FAM171A1: variants seen among roughly 807,000 people sequenced by gnomAD.
The protein encoded by FAM171A1 is family with sequence similarity 171 member A1.
In FAM171A1, 23 loss-of-function variants were observed where a neutral mutation model predicts 74.9. The ratio of observed to expected loss-of-function variants is 0.31; its 90% CI spans 0.22 to 0.44. The LOEUF (loss-of-function observed/expected upper bound fraction) is 0.44, where lower values mean the gene tolerates loss of function less well. Among genes scored for constraint, FAM171A1 ranks in the 20% least tolerant of loss-of-function variants. The pLI is 1.00. For missense variants in FAM171A1, 1,162 were observed against 1,159.2 expected, an observed-to-expected ratio of 1.00 and a Z score of -0.03; for synonymous variants, 527 against 505.7, an observed-to-expected ratio of 1.04 and a Z score of -0.57.
At chr10:15,217,919 C>T (rs1332009911) in intron 6 of FAM171A1, among the ~76,000 whole-genome samples, 1 of 152,144 alleles carries the variant, frequency 6.6e-6, no homozygotes, top group Non-Finnish European at 1.5e-5. Context: ...GCATGAGCCA[C>T]CGCACCCGGC....
chr10:15,216,250 T>A, intron 6 of FAM171A1, 140 bp from the exon 7 acceptor site: 1 of 523,096 alleles, frequency 1.9e-6, no homozygotes, highest in Non-Finnish European at 3.3e-6. Flanking sequence ...CGCCCTTGGA[T>A]CATGCACTTG....
intron 1 of FAM171A1, among the ~76,000 whole-genome samples, chr10:15,357,974 T>C (rs1348877311): frequency 1.3e-5 from 2 of 152,160 alleles, no homozygotes; most frequent in Non-Finnish European, 2.9e-5. Flanking sequence ...AGATTGGAAG[T>C]AGAAAGCTTT....
At chr10:15,240,726 A>G (rs966788333) in intron 5 of FAM171A1, 20 of 985,208 alleles carry the variant, frequency 2.0e-5, no homozygotes, top group Non-Finnish European at 2.0e-5. Flanking sequence ...AAACATGGAT[A>G]TACTGAGTTA....
At chr10:15,275,288 G>GT (rs368213766) in intron 3 of FAM171A1, among the ~76,000 whole-genome samples, 7,011 of 140,024 alleles carry the variant, frequency 0.05, 261 homozygotes, top group African/African-American at 0.097. Flanking sequence ...TTCCATTTAA[G>GT]TTTTTTTTTT....
At chr10:15,223,459 C>A (rs1016635278) in intron 5 of FAM171A1, among the ~76,000 whole-genome samples, 3 of 152,240 alleles carry the variant, frequency 2.0e-5, no homozygotes, top group African/African-American at 7.2e-5. Flanking sequence ...CTGGGTTAGG[C>A]TAAACGGGAC....
chr10:15,269,036 T>TCAAA lies in FAM171A1; in HGVS notation c.418+6815_418+6818dup, dbSNP rs34821162. Among the ~76,000 whole-genome samples, 596 of 150,720 alleles carry TCAAA rather than the reference T, an allele frequency of 4.0e-3. 3 individuals carry two copies. Among genetic ancestry groups the TCAAA allele is most frequent in the Non-Finnish European group, 5.2e-3 (354 of 67,576 alleles). On this transcript the variant is annotated intron_variant, in intron 3 of 7. Transcript: ENST00000378116. ...CAGCCTGGGCAACAGAGACTCTGTC[T>TCAAA]CAAACAAACAAACAAACAAACAAAC...
chr10:15,265,162 G>C (rs1464254427), intron 3 of FAM171A1, among the ~76,000 whole-genome samples: 1 of 152,086 alleles, frequency 6.6e-6, no homozygotes, highest in African/African-American at 2.4e-5. Flanking sequence ...AAAACTACCT[G>C]AATGTCTTAC....
At position 15,371,077 on chromosome 10, in the gene FAM171A1, TCGGGCTCGCCGAGAGCGGGC is replaced by T; in HGVS notation, c.-45_-26del. ...TCTCCGCCGCGGGGCCGGCGGCGGC[TCGGGCTCGCCGAGAGCGGGC>T]CGGGCGGCGGCGCGTCACGGGCGGC... On this transcript the variant is annotated 5_prime_UTR_variant, in exon 1 of 8. Coordinates refer to ENST00000378116, the MANE Select transcript of FAM171A1 (RefSeq NM_001010924.2). The T allele has an allele frequency of 9.8e-7, 1 of 1,019,644 alleles. No homozygotes were observed. Among genetic ancestry groups the T allele is most frequent in the Non-Finnish European group, 1.2e-6 (1 of 845,290 alleles). The allele number at this position is 1,019,644 out of a possible 1,614,324, so 63.2% of individuals were successfully genotyped here. A position where few individuals can be genotyped will look rare whatever the true frequency, so the allele number is the denominator to read the frequency against.
chr10:15,250,332 T>C (rs1027904385), intron 4 of FAM171A1, among the ~76,000 whole-genome samples: 40 of 152,254 alleles, frequency 2.6e-4, no homozygotes, highest in African/African-American at 8.9e-4. Context: ...GAATTTACCA[T>C]GTTTCTGGTC....
upstream of FAM171A1, among the ~76,000 whole-genome samples, chr10:15,371,846 C>T (rs1836154097): frequency 6.6e-6 from 1 of 152,084 alleles, no homozygotes; most frequent in African/African-American, 2.4e-5. Flanking sequence ...CAAAGAAGAC[C>T]CTCTTTGGAA....
intron 3 of FAM171A1, among the ~76,000 whole-genome samples, chr10:15,262,008 CAG>C (rs1033967153): frequency 6.6e-6 from 1 of 152,236 alleles, no homozygotes; most frequent in Admixed American, 6.5e-5. Context: ...TGAGCTACTC[CAG>C]AGACACAGGC....
chr10:15,273,564 C>G (rs1279206855), intron 3 of FAM171A1, among the ~76,000 whole-genome samples: 1 of 152,158 alleles, frequency 6.6e-6, no homozygotes, highest in Non-Finnish European at 1.5e-5. Context: ...CATCCTGATG[C>G]CAAAGCCTGG....
chr10:15,234,363 G>A (rs1834252598), intron 5 of FAM171A1, among the ~76,000 whole-genome samples: 1 of 152,190 alleles, frequency 6.6e-6, no homozygotes, highest in South Asian at 2.1e-4. Flanking sequence ...CCCGTTGAGG[G>A]TAGCTGCCCA....
At chr10:15,223,988 C>A (rs72776154) in intron 5 of FAM171A1, among the ~76,000 whole-genome samples, 2,179 of 152,342 alleles carry the variant, frequency 0.014, 30 homozygotes, top group South Asian at 0.049. Context: ...ATAGACCCCA[C>A]CAGACTAATG....
At chr10:15,225,638 G>A (rs146464555) in intron 5 of FAM171A1, among the ~76,000 whole-genome samples, 108 of 152,258 alleles carry the variant, frequency 7.1e-4, no homozygotes, top group African/African-American at 2.4e-3. Context: ...TGGTGGTACC[G>A]GATGGCAGAG....
chr10:15,334,758 A>G (rs888318221), intron 1 of FAM171A1, among the ~76,000 whole-genome samples: 1 of 152,196 alleles, frequency 6.6e-6, no homozygotes, highest in African/African-American at 2.4e-5. Context: ...AGCTGTTTCT[A>G]CTATACTATC....
intron 1 of FAM171A1, among the ~76,000 whole-genome samples, chr10:15,297,056 T>C (rs114081628): frequency 0.015 from 2,237 of 151,718 alleles, 71 homozygotes; most frequent in East Asian, 0.1. Context: ...GTATTAGAGC[T>C]TTTTTTCTTT....
intron 1 of FAM171A1, among the ~76,000 whole-genome samples, chr10:15,284,871 T>C (rs185776449): frequency 1.1e-4 from 17 of 148,436 alleles, no homozygotes; most frequent in Non-Finnish European, 1.9e-4. Context: ...TGAAAAGAAG[T>C]GAAAACTATT....
chr10:15,299,204 C>A (rs1438944821), intron 1 of FAM171A1, among the ~76,000 whole-genome samples: 1 of 152,198 alleles, frequency 6.6e-6, no homozygotes, highest in African/African-American at 2.4e-5. Context: ...CAGGTGTGAG[C>A]CACCGCGCCA....
Sources: gnomAD v4.1 joint callset for allele counts (sites outside exome capture counted in the v4.1 genomes callset) on GRCh38, gnomAD v4.1.1 for gene constraint, MANE v1.5 for transcripts, NCBI Gene and HGNC (gene_info 2026-07-23, HGNC 2026-07-21) for gene names.